ATP10D: variants seen among roughly 807,000 people sequenced by gnomAD.
ATP10D encodes phospholipid-transporting ATPase VD.
ATP10D carries 89 observed loss-of-function variants against 144.8 expected under a neutral mutation model. That is an observed-to-expected ratio of 0.61 (90% CI 0.52 to 0.73). The LOEUF is 0.73. Ranked by LOEUF, ATP10D falls within the 30% of genes least tolerant of loss-of-function variation. The pLI, the probability that ATP10D is intolerant of heterozygous loss-of-function variation, is 0.00. For missense variants in ATP10D, 1,603 were observed against 1,714.8 expected (o/e 0.93, Z 1.15); for synonymous variants, 571 against 615.1 (o/e 0.93, Z 1.06).
At chr4:47,486,765 A>G (rs913219685) in intron 1 of ATP10D, among the ~76,000 whole-genome samples, 3 of 152,242 alleles carry the variant, frequency 2.0e-5, no homozygotes, top group Admixed American at 2.0e-4. Flanking sequence ...TAACTTAGCA[A>G]CATTTTAAAG....
In ATP10D at chr4:47,572,210, T is replaced by C; in HGVS notation, c.3220T>C (p.Ser1074Pro). Residue 1074 changes from serine to proline, a missense_variant, in exon 17 of 23, where the codon TCA becomes CCA. Physicochemically the swap from Ser to Pro is moderately conservative, Grantham distance 74. Transcript: ENST00000273859. ...AGTGGCAGACATTGGGATAGGGGTC[T>C]CAGGTCAAGAAGGCATGCAGGTGAG... ...IQVADIGIGV[S>P]GQEGMQAVMA... 1 of 1,614,096 alleles carries C rather than the reference T, an allele frequency of 6.2e-7. No individual in the cohort carries two copies. Among genetic ancestry groups the C allele is most frequent in the South Asian group, 1.1e-5 (1 of 91,072 alleles).
chr4:47,530,677 A>T (rs1369207355), intron 5 of ATP10D, among the ~76,000 whole-genome samples: 4 of 152,158 alleles, frequency 2.6e-5, no homozygotes, highest in African/African-American at 9.7e-5. Context: ...TCTGGTCTCT[A>T]ACTCCTGGCC....
chr4:47,506,217 G>A (rs1019999792), intron 1 of ATP10D, among the ~76,000 whole-genome samples: 39 of 152,124 alleles, frequency 2.6e-4, no homozygotes, highest in African/African-American at 8.7e-4. Flanking sequence ...TATAGTTGGA[G>A]CCAATGATTG....
chr4:47,554,920 T>C lies in ATP10D; in HGVS notation c.1824+6T>C. 1 of 1,612,248 alleles carries C rather than the reference T, an allele frequency of 6.2e-7. No homozygotes were observed. Among genetic ancestry groups the C allele is most frequent in the Non-Finnish European group, 8.5e-7 (1 of 1,178,602 alleles). Reference sequence around the variant, plus strand: ...CTAACCAACCCCGACAAAAGGTGAGTAAGTTCTCTAATGCAAACAAGGGTC... The same window carrying C: ...CTAACCAACCCCGACAAAAGGTGAGCAAGTTCTCTAATGCAAACAAGGGTC... On this transcript the variant is annotated splice_donor_region_variant and intron_variant, in intron 11 of 22. Coordinates refer to ENST00000273859, the MANE Select transcript of ATP10D (RefSeq NM_020453.4).
intron 1 of ATP10D, among the ~76,000 whole-genome samples, chr4:47,488,274 CTTA>C (rs1560402402): frequency 6.6e-6 from 1 of 151,660 alleles, no homozygotes; most frequent in Non-Finnish European, 1.5e-5. Context: ...AATATATTAT[CTTA>C]TGTGTAAAAT....
At position 47,558,102 on chromosome 4, in the gene ATP10D, G is replaced by A. The variant is rs756436780; in HGVS notation, c.2263G>A (p.Asp755Asn). Residue 755 changes from aspartate to asparagine, a missense_variant, in exon 12 of 23, where the codon GAC (aspartate) becomes AAC (asparagine). Asp to Asn is a conservative substitution (Grantham distance 23). Transcript: ENST00000273859. ...RSRTPEQVMVDFAALGPLTFQ... is the reference protein window; with the variant it reads ...RSRTPEQVMVNFAALGPLTFQ... ...TCGGACACCAGAGCAGGTCATGGTG[G>A]ACTTTGCTGCTTTGGGACCATTAAC... 15 of 1,614,184 alleles carry A rather than the reference G, an allele frequency of 9.3e-6. No homozygotes were observed. In the East Asian group the frequency reaches 2.9e-4, roughly 31 times the overall value.
chr4:47,569,225 T>G, intron 16 of ATP10D, 79 bp downstream of exon 16: 2 of 1,464,202 alleles, frequency 1.4e-6, no homozygotes, highest in Non-Finnish European at 1.8e-6. Context: ...CTCTTTCTTC[T>G]CCCACTGTTC....
At chr4:47,510,724 C>T (rs563774959) in intron 1 of ATP10D, among the ~76,000 whole-genome samples, 1 of 152,288 alleles carries the variant, frequency 6.6e-6, no homozygotes, top group South Asian at 2.1e-4. Context: ...CCTGTTTGGA[C>T]TCTCAAGAAA....
chr4:47,585,272 G>A (rs1471950529), intron 21 of ATP10D, among the ~76,000 whole-genome samples: 1 of 151,352 alleles, frequency 6.6e-6, no homozygotes, highest in African/African-American at 2.4e-5. Context: ...AAAAAAAAAC[G>A]CAATTATTTT....
intron 15 of ATP10D, among the ~76,000 whole-genome samples, chr4:47,566,019 T>C (rs1229260440): frequency 6.6e-6 from 1 of 152,230 alleles, no homozygotes; most frequent in Admixed American, 6.5e-5. Flanking sequence ...ATTTAACTCT[T>C]TTCTTTCCAC....
intron 21 of ATP10D, chr4:47,583,451 C>A (rs7655242): frequency 1.2e-3 from 189 of 152,234 alleles, no homozygotes; most frequent in African/African-American, 4.3e-3. Flanking sequence ...TAAAGTAGGG[C>A]TGATTATTTT....
At chr4:47,538,506 C>A (rs1457622729) in intron 9 of ATP10D, among the ~76,000 whole-genome samples, 1 of 152,170 alleles carries the variant, frequency 6.6e-6, no homozygotes, top group Non-Finnish European at 1.5e-5. Flanking sequence ...CATAACAAAT[C>A]ACCACAAACC....
rs1434659702 is a variant in ATP10D, at chr4:47,569,153, G to A, written c.3163+7G>A. ...GTGATGACCCTTGCTATTGGTGAGT[G>A]AGGATGAATCTGAGTCCTGCTCTTC... On this transcript the variant is annotated splice_region_variant and intron_variant, in intron 16 of 22. Coordinates refer to ENST00000273859, the MANE Select transcript of ATP10D (RefSeq NM_020453.4). 6.2e-7 allele frequency: 1 copy of A among 1,610,050 alleles called. No homozygotes were observed. The highest frequency in any genetic ancestry group is 1.1e-5 in the South Asian group (1 of 90,926).
chr4:47,493,222 G>A (rs1323361369), intron 1 of ATP10D, among the ~76,000 whole-genome samples: 1 of 152,094 alleles, frequency 6.6e-6, no homozygotes, highest in African/African-American at 2.4e-5. Context: ...TACATCATTG[G>A]TATGGGAAAG....
intron 19 of ATP10D, among the ~76,000 whole-genome samples, chr4:47,578,931 G>T (rs1720372784): frequency 1.3e-5 from 2 of 152,178 alleles, no homozygotes; most frequent in Admixed American, 1.3e-4. Context: ...TATTTATAAA[G>T]ATTTGTTCTT....
At chr4:47,581,713 G>C (rs910056900) in intron 20 of ATP10D, among the ~76,000 whole-genome samples, 1 of 152,144 alleles carries the variant, frequency 6.6e-6, no homozygotes, top group Non-Finnish European at 1.5e-5. Context: ...TGAGTGAAAG[G>C]TTCCAGGAGG....
At chr4:47,526,025 A>G (rs1717227643) in intron 5 of ATP10D, among the ~76,000 whole-genome samples, 1 of 152,212 alleles carries the variant, frequency 6.6e-6, no homozygotes, top group South Asian at 2.1e-4. Context: ...TCACAGTGTG[A>G]GAAGAGCAAA....
chr4:47,583,874 G>T (rs938645072), intron 21 of ATP10D, among the ~76,000 whole-genome samples: 3 of 152,158 alleles, frequency 2.0e-5, no homozygotes, highest in Non-Finnish European at 2.9e-5. Flanking sequence ...AGAAACTAAT[G>T]GTCAGGCTTG....
chr4:47,555,389 A>T (rs1176737540), intron 11 of ATP10D, among the ~76,000 whole-genome samples: 1 of 152,234 alleles, frequency 6.6e-6, no homozygotes, highest in Non-Finnish European at 1.5e-5. Flanking sequence ...CCCTGGTGCC[A>T]AAAAGGTTGA....
Sources: gnomAD v4.1 joint callset for allele counts (sites outside exome capture counted in the v4.1 genomes callset) on GRCh38, gnomAD v4.1.1 for gene constraint, MANE v1.5 for transcripts, NCBI Gene and HGNC (gene_info 2026-07-23, HGNC 2026-07-21) for gene names.